The following FANCC variants were observed in gnomAD, a reference collection of about 807,000 sequenced individuals.
FANCC encodes the protein Fanconi anemia group C protein.
In FANCC, 55 loss-of-function variants were observed where a neutral mutation model predicts 71.3. That is an observed-to-expected ratio of 0.77 (90% CI 0.62 to 0.97). FANCC has a LOEUF of 0.97. Among genes scored for constraint, FANCC ranks in the 50% least tolerant of loss-of-function variants. FANCC has a pLI of 0.00. For missense variants in FANCC, 678 were observed against 670.9 expected, an observed-to-expected ratio of 1.01 and a Z score of -0.12; for synonymous variants, 275 against 244.9, an observed-to-expected ratio of 1.12 and a Z score of -1.15.
rs2136102300 is a variant in FANCC, at chr9:95,249,288, C to T, written c.4G>A (p.Ala2Thr). The T allele has an allele frequency of 5.0e-6, 8 of 1,614,040 alleles. No individual in the cohort carries two copies. The highest frequency in any genetic ancestry group is 6.8e-6 in the Non-Finnish European group (8 of 1,179,986). M[A>T]QDSVDLSCDY... ...CAAGAAAGATCTACTGAATCTTGAGCCATCTTGGAAAAAGCGAAAAGGTGA... is the reference window on the plus strand; with the variant it reads ...CAAGAAAGATCTACTGAATCTTGAGTCATCTTGGAAAAAGCGAAAAGGTGA... The change falls in exon 2 of 15, where the codon GCT (alanine) becomes ACT (threonine). Residue 2 changes from alanine to threonine, a missense_variant. Physicochemically the swap from Ala to Thr is moderately conservative, Grantham distance 58. Coordinates refer to ENST00000289081, the MANE Select transcript of FANCC (RefSeq NM_000136.3).
intron 4 of FANCC, among the ~76,000 whole-genome samples, chr9:95,193,392 C>T (rs943208913): frequency 1.3e-5 from 2 of 152,052 alleles, no homozygotes; most frequent in African/African-American, 2.4e-5. Context: ...AGGGTGGAGA[C>T]GAAACAGACC....
At chr9:95,195,723 T>C (rs1827415099) in intron 4 of FANCC, among the ~76,000 whole-genome samples, 1 of 152,016 alleles carries the variant, frequency 6.6e-6, no homozygotes, top group Admixed American at 6.5e-5. Context: ...CTTTACTAAG[T>C]TGAGTCTTCA....
intron 1 of FANCC, among the ~76,000 whole-genome samples, chr9:95,289,233 T>C (rs1164467858): frequency 6.6e-6 from 1 of 152,200 alleles, no homozygotes; most frequent in Admixed American, 6.5e-5. Flanking sequence ...ACTTTTAAAA[T>C]ACCTGATTAG....
chr9:95,200,511 G>C (rs1221561693), intron 4 of FANCC, among the ~76,000 whole-genome samples: 1 of 152,190 alleles, frequency 6.6e-6, no homozygotes, highest in African/African-American at 2.4e-5. Context: ...GTTTACGGGA[G>C]AGTGGCAAGA....
chr9:95,220,169 T>C (rs963302585), intron 4 of FANCC, among the ~76,000 whole-genome samples: 1 of 152,142 alleles, frequency 6.6e-6, no homozygotes, highest in Non-Finnish European at 1.5e-5. Flanking sequence ...CACAATGAGA[T>C]ACCATCTCAC....
At chr9:95,253,313 G>A (rs1267610764) in intron 1 of FANCC, among the ~76,000 whole-genome samples, 1 of 152,150 alleles carries the variant, frequency 6.6e-6, no homozygotes, top group Non-Finnish European at 1.5e-5. Context: ...GATCACACCT[G>A]TTGGGCATAT....
chr9:95,157,396 T>C (rs1169439974), intron 6 of FANCC, among the ~76,000 whole-genome samples: 2 of 152,192 alleles, frequency 1.3e-5, no homozygotes, highest in Admixed American at 1.3e-4. Context: ...AGTCAACAAT[T>C]CAGTGACAGA....
In FANCC at chr9:95,229,375, G is replaced by A. The variant is rs141625289; in HGVS notation, c.345+11274C>T. On this transcript the variant is annotated intron_variant, in intron 4 of 14. Coordinates refer to ENST00000289081, the MANE Select transcript of FANCC (RefSeq NM_000136.3). Reference sequence around the variant, plus strand: ...ACAAAGATACTGCAATGTTCCTGGAGAGGGCAACAGTGGCGTGGATGGGGG... The same window carrying A: ...ACAAAGATACTGCAATGTTCCTGGAAAGGGCAACAGTGGCGTGGATGGGGG... Among the ~76,000 whole-genome samples, 511 of 151,940 alleles carry A rather than the reference G, an allele frequency of 3.4e-3. 4 individuals are homozygous for A. Among genetic ancestry groups the A allele is most frequent in the Admixed American group, 0.013 (191 of 15,228 alleles).
At chr9:95,238,290 A>G (rs356677) in intron 4 of FANCC, among the ~76,000 whole-genome samples, 29,002 of 152,172 alleles carry the variant, frequency 0.19, 2,912 homozygotes, top group East Asian at 0.3. Context: ...TGCTCTCCTG[A>G]CAATGGGATA....
At chr9:95,276,831 C>T (rs562235224) in intron 1 of FANCC, among the ~76,000 whole-genome samples, 2 of 152,152 alleles carry the variant, frequency 1.3e-5, no homozygotes, top group South Asian at 2.1e-4. Flanking sequence ...ACCCTTTTCC[C>T]GTTTGCCCAG....
intron 1 of FANCC, among the ~76,000 whole-genome samples, chr9:95,261,567 A>G (rs1468562244): frequency 2.0e-5 from 3 of 152,228 alleles, no homozygotes; most frequent in African/African-American, 7.2e-5. Flanking sequence ...AAGGAAATCC[A>G]CTTTTTCCAT....
chr9:95,257,044 T>TA (rs1156281449), intron 1 of FANCC, among the ~76,000 whole-genome samples: 2 of 152,182 alleles, frequency 1.3e-5, no homozygotes, highest in African/African-American at 4.8e-5. Context: ...AGCAAGTTCT[T>TA]AGAGGCCTAC....
At position 95,110,869 on chromosome 9, in the gene FANCC, CACAG is replaced by C. The variant is rs2071860875; in HGVS notation, c.1329+590_1329+593del. 20 of 1,198,854 alleles carry C rather than the reference CACAG, an allele frequency of 1.7e-5. No homozygotes were observed. The South Asian group carries it at 4.4e-4, about 26-fold the overall frequency. 74.3% of individuals were successfully genotyped at this position (1,198,854 alleles called of 1,614,324 possible). On this transcript the variant is annotated intron_variant, in intron 13 of 14. Transcript: ENST00000289081. ...CACATAAAATAACAACTGTCTTTGC[CACAG>C]ACAGTTATCCAGTCCCATACTTAGC... is the stretch of plus-strand genomic sequence containing the variant.
chr9:95,299,833 G>T (rs1362902396), intron 1 of FANCC, among the ~76,000 whole-genome samples: 1 of 152,096 alleles, frequency 6.6e-6, no homozygotes. Context: ...TGCACTCCAG[G>T]CAGGGAGACA....
rs182422417 is a variant in FANCC, at chr9:95,311,820, A to G, written c.-79+5706T>C. On this transcript the variant is annotated intron_variant, in intron 1 of 14. Coordinates refer to ENST00000289081, the MANE Select transcript of FANCC (RefSeq NM_000136.3). ...TCTCAGATTCCACTAAAATAGCTAA[A>G]TGTATATAAAATGTTTATATCACAC... 1.3e-3 allele frequency among the ~76,000 whole-genome samples: 194 copies of G among 152,248 alleles called. 2 individuals are homozygous for G. The highest frequency in any genetic ancestry group is 4.3e-3 in the African/African-American group (179 of 41,540).
chr9:95,239,380 G>A (rs117472552), intron 4 of FANCC, among the ~76,000 whole-genome samples: 3 of 152,176 alleles, frequency 2.0e-5, no homozygotes, highest in African/African-American at 4.8e-5. Context: ...ACAATAAAAT[G>A]TGAGGCTAGA....
chr9:95,144,914 G>A (rs556916694), intron 7 of FANCC, among the ~76,000 whole-genome samples: 6 of 152,188 alleles, frequency 3.9e-5, no homozygotes, highest in South Asian at 2.1e-4. Context: ...CATAACGCTC[G>A]GACTCCTCAG....
At chr9:95,254,091 G>C (rs1052688915) in intron 1 of FANCC, among the ~76,000 whole-genome samples, 1 of 152,186 alleles carries the variant, frequency 6.6e-6, no homozygotes, top group African/African-American at 2.4e-5. Context: ...TGCTTTAGAG[G>C]AAAGGAAGAT....
At position 95,309,874 on chromosome 9, in the gene FANCC, T is replaced by C. The variant is rs558329750; in HGVS notation, c.-79+7652A>G. Among the ~76,000 whole-genome samples the C allele has an allele frequency of 5.9e-5, 9 of 152,190 alleles. No homozygotes were observed. The South Asian group carries it at 1.2e-3, about 21-fold the overall frequency. On this transcript the variant is annotated intron_variant, in intron 1 of 14. Transcript: ENST00000289081. The stretch of plus-strand genomic sequence containing the variant: ...CAACACCTAGCCTCCAGAATCACCA[T>C]TGCAAAAAGAAGAGATAGCTAGGTC...
Sources: gnomAD v4.1 joint callset for allele counts (sites outside exome capture counted in the v4.1 genomes callset) on GRCh38, gnomAD v4.1.1 for gene constraint, MANE v1.5 for transcripts, NCBI Gene and HGNC (gene_info 2026-07-23, HGNC 2026-07-21) for gene names.